Variants in GRIK2 observed in about 807,000 individuals in gnomAD.
GRIK2 encodes glutamate ionotropic receptor kainate type subunit 2.
GRIK2 carries 32 observed loss-of-function variants against 100.3 expected under a neutral mutation model. The ratio of observed to expected loss-of-function variants is 0.32; its 90% CI spans 0.24 to 0.43. The LOEUF is 0.43. Ranked by LOEUF, GRIK2 falls within the 20% of genes least tolerant of loss-of-function variation. The pLI is 1.00. For synonymous variants in GRIK2, 417 were observed against 389.4 expected, an observed-to-expected ratio of 1.07 and a Z score of -0.83; for missense variants, 843 against 1,114.9, an observed-to-expected ratio of 0.76 and a Z score of 3.47.
At chr6:101,872,929 T>C (rs1785525387) in intron 11 of GRIK2, among the ~76,000 whole-genome samples, 1 of 151,882 alleles carries the variant, frequency 6.6e-6, no homozygotes, top group African/African-American at 2.4e-5. Flanking sequence ...TGAACATATT[T>C]AAAGCAGGGT....
intron 4 of GRIK2, among the ~76,000 whole-genome samples, chr6:101,643,456 C>T (rs936608507): frequency 1.3e-5 from 2 of 151,470 alleles, no homozygotes; most frequent in Non-Finnish European, 3.0e-5. Flanking sequence ...GTTTCCCTAT[C>T]TCTGTTTATT....
chr6:102,050,590 T>C (rs1373649219), intron 15 of GRIK2, among the ~76,000 whole-genome samples: 4 of 139,560 alleles, frequency 2.9e-5, no homozygotes, highest in Non-Finnish European at 6.0e-5. Flanking sequence ...GAGGTTGCAG[T>C]GAGCCAAGAT....
At chr6:102,000,940 GTTTTTC>G (rs1794905381) in intron 14 of GRIK2, among the ~76,000 whole-genome samples, 2 of 151,298 alleles carry the variant, frequency 1.3e-5, no homozygotes, top group East Asian at 3.9e-4. Flanking sequence ...GGTTTCATTT[GTTTTTC>G]TTTTTCTAAT....
At chr6:101,813,609 A>T (rs1359528387) in intron 9 of GRIK2, among the ~76,000 whole-genome samples, 2 of 152,166 alleles carry the variant, frequency 1.3e-5, no homozygotes, top group Admixed American at 1.3e-4. Context: ...CCTTGTAGCA[A>T]AATAATTCAT....
At chr6:101,601,331 T>C in intron 2 of GRIK2, among the ~76,000 whole-genome samples, 1 of 151,882 alleles carries the variant, frequency 6.6e-6, no homozygotes, top group Admixed American at 6.6e-5. Context: ...AAGGATTCAG[T>C]TTGCTAGTAT....
chr6:101,513,296 CCAGGATTGATAAAAAGGTAATGTT>C (rs2128278826), intron 2 of GRIK2, among the ~76,000 whole-genome samples: 1 of 152,032 alleles, frequency 6.6e-6, no homozygotes, highest in East Asian at 1.9e-4. Context: ...TTCTAAAGAC[CCAGGATTGATAAAAAGGTAATGTT>C]CAGCTTAAAA....
chr6:101,936,839 T>C (rs1458248109), intron 14 of GRIK2, among the ~76,000 whole-genome samples: 1 of 152,154 alleles, frequency 6.6e-6, no homozygotes, highest in African/African-American at 2.4e-5. Context: ...TTCATTACAC[T>C]TTATCTATAG....
intron 2 of GRIK2, among the ~76,000 whole-genome samples, chr6:101,543,007 ATTTTGT>A (rs1233767049): frequency 2.0e-5 from 3 of 152,088 alleles, no homozygotes; most frequent in African/African-American, 4.8e-5. Context: ...CAAGGAAAAA[ATTTTGT>A]TGTATAGAAA....
At chr6:101,621,819 T>C in intron 2 of GRIK2, 130 bp from the exon 3 acceptor site, 1 of 663,516 alleles carries the variant, frequency 1.5e-6, no homozygotes, top group South Asian at 1.7e-5. Flanking sequence ...TCTTTCTCTC[T>C]CTCACACACA....
chr6:101,454,773 G>C (rs1770904744), intron 2 of GRIK2, among the ~76,000 whole-genome samples: 1 of 152,036 alleles, frequency 6.6e-6, no homozygotes. Context: ...AATCTTACTG[G>C]GGAGAGCCTG....
intron 7 of GRIK2, among the ~76,000 whole-genome samples, chr6:101,742,266 A>G (rs1165098867): frequency 2.0e-5 from 3 of 152,222 alleles, no homozygotes; most frequent in East Asian, 1.9e-4. Flanking sequence ...GAGTTTATTC[A>G]TGAGGCAGCC....
intron 2 of GRIK2, among the ~76,000 whole-genome samples, chr6:101,482,505 T>C (rs1772585505): frequency 6.6e-6 from 1 of 152,110 alleles, no homozygotes. Context: ...GCGACAAGCA[T>C]TTTTATGCAG....
At chr6:101,405,164 G>T (rs867813789) in intron 2 of GRIK2, among the ~76,000 whole-genome samples, 1 of 152,086 alleles carries the variant, frequency 6.6e-6, no homozygotes, top group East Asian at 1.9e-4. Context: ...AGGCAGATTA[G>T]CACTATATAG....
At chr6:102,003,825 T>A (rs1795071364) in intron 14 of GRIK2, among the ~76,000 whole-genome samples, 1 of 151,792 alleles carries the variant, frequency 6.6e-6, no homozygotes, top group African/African-American at 2.4e-5. Flanking sequence ...TTAAGAGAAT[T>A]CAGAACTTTC....
At chr6:101,702,239 T>A (rs1332392772) in intron 7 of GRIK2, among the ~76,000 whole-genome samples, 2 of 152,002 alleles carry the variant, frequency 1.3e-5, no homozygotes, top group Non-Finnish European at 2.9e-5. Flanking sequence ...TTGTTTCACT[T>A]AAAAGAAACA....
chr6:101,947,634 G>A (rs1791361693), intron 14 of GRIK2, among the ~76,000 whole-genome samples: 2 of 152,048 alleles, frequency 1.3e-5, no homozygotes, highest in African/African-American at 2.4e-5. Flanking sequence ...ATTTCCTTCT[G>A]TTTGCTTTGT....
intron 14 of GRIK2, among the ~76,000 whole-genome samples, chr6:102,000,800 A>G (rs1470358195): frequency 6.6e-6 from 1 of 152,046 alleles, no homozygotes; most frequent in African/African-American, 2.4e-5. Flanking sequence ...ATCTAGTTTA[A>G]GCCTGATAAA....
intron 4 of GRIK2, among the ~76,000 whole-genome samples, chr6:101,657,683 G>C (rs949172013): frequency 6.6e-6 from 1 of 152,080 alleles, no homozygotes; most frequent in Non-Finnish European, 1.5e-5. Flanking sequence ...TGATTATTAT[G>C]AGTCTATTAT....
chr6:102,034,758 T>C (rs2114423546), intron 14 of GRIK2, among the ~76,000 whole-genome samples: 1 of 151,564 alleles, frequency 6.6e-6, no homozygotes, highest in South Asian at 2.1e-4. Context: ...AAATTGTTTC[T>C]CAGTGGAAAT....
Sources: allele counts gnomAD v4.1 joint callset (sites outside exome capture counted in the v4.1 genomes callset), GRCh38; gene constraint gnomAD v4.1.1; transcripts MANE v1.5; gene names NCBI Gene and HGNC (gene_info 2026-07-23, HGNC 2026-07-21).